ZNF804B: variants seen among roughly 807,000 people sequenced by gnomAD.
The protein encoded by ZNF804B is zinc finger 804B.
A neutral mutation model predicts 101.4 loss-of-function variants in ZNF804B; 80 were observed. The observed-to-expected ratio is 0.79, with a 90% CI of 0.66 to 0.95. ZNF804B has a LOEUF of 0.95. Among genes scored for constraint, ZNF804B ranks in the 40% least tolerant of loss-of-function variants. The pLI is 0.00. For missense variants in ZNF804B, 1,673 were observed against 1,561.9 expected, an observed-to-expected ratio of 1.07 and a Z score of -1.20; for synonymous variants, 622 against 558.8, an observed-to-expected ratio of 1.11 and a Z score of -1.59.
intron 1 of ZNF804B, among the ~76,000 whole-genome samples, chr7:88,782,429 C>A (rs1026292684): frequency 2.0e-5 from 3 of 151,944 alleles, no homozygotes; most frequent in East Asian, 1.9e-4. Flanking sequence ...TAATTGGTTT[C>A]TTTATTTCAA....
intron 1 of ZNF804B, among the ~76,000 whole-genome samples, chr7:88,873,704 C>T (rs1791877187): frequency 6.6e-6 from 1 of 152,152 alleles, no homozygotes. Context: ...CCAGTTCTCC[C>T]AGCACCATTT....
intron 1 of ZNF804B, among the ~76,000 whole-genome samples, chr7:88,768,605 C>CT (rs1353433444): frequency 6.6e-6 from 1 of 152,144 alleles, no homozygotes; most frequent in Non-Finnish European, 1.5e-5. Context: ...GTAATTCCAG[C>CT]TACTCAGGAG....
chr7:89,039,285 G>T (rs1261375638), intron 1 of ZNF804B, among the ~76,000 whole-genome samples: 1 of 151,588 alleles, frequency 6.6e-6, no homozygotes, highest in Admixed American at 6.6e-5. Context: ...TGTTTGTTTG[G>T]GTAGTATAAA....
At chr7:89,207,646 C>T (rs1788734949) in intron 1 of ZNF804B, among the ~76,000 whole-genome samples, 1 of 152,190 alleles carries the variant, frequency 6.6e-6, no homozygotes, top group Non-Finnish European at 1.5e-5. Context: ...CATTAAGACT[C>T]AGTCTTTGTG....
intron 1 of ZNF804B, among the ~76,000 whole-genome samples, chr7:89,035,919 A>T (rs1788918983): frequency 6.9e-6 from 1 of 144,962 alleles, no homozygotes; most frequent in Non-Finnish European, 1.5e-5. Context: ...TATATTATAT[A>T]TAATATATTA....
intron 1 of ZNF804B, among the ~76,000 whole-genome samples, chr7:88,831,701 CTGAT>C (rs1361894399): frequency 6.6e-6 from 1 of 151,844 alleles, no homozygotes; most frequent in Non-Finnish European, 1.5e-5. Flanking sequence ...TTCTAACTCT[CTGAT>C]TAACAGGAAT....
intron 1 of ZNF804B, among the ~76,000 whole-genome samples, chr7:88,816,624 A>G (rs1447977216): frequency 6.7e-6 from 1 of 148,406 alleles, no homozygotes; most frequent in East Asian, 2.1e-4. Context: ...CAACAGACAC[A>G]TGAAAAAATG....
chr7:89,008,308 C>T (rs138056395), intron 1 of ZNF804B, among the ~76,000 whole-genome samples: 1 of 152,182 alleles, frequency 6.6e-6, no homozygotes, highest in East Asian at 1.9e-4. Flanking sequence ...TGAAGTCCTA[C>T]TCTGAATCAT....
chr7:89,183,174 G>C (rs1412441302), intron 1 of ZNF804B, among the ~76,000 whole-genome samples: 4 of 152,016 alleles, frequency 2.6e-5, no homozygotes, highest in Non-Finnish European at 5.9e-5. Flanking sequence ...TTAGAACAAG[G>C]TGCAGTGGAG....
intron 1 of ZNF804B, among the ~76,000 whole-genome samples, chr7:89,020,804 G>T (rs565722211): frequency 1.3e-5 from 2 of 152,190 alleles, no homozygotes; most frequent in African/African-American, 4.8e-5. Flanking sequence ...TCAGCTGTAA[G>T]TGTTTTGGGT....
chr7:88,844,507 CAAG>C (rs1791340921), intron 1 of ZNF804B, among the ~76,000 whole-genome samples: 1 of 152,118 alleles, frequency 6.6e-6, no homozygotes, highest in African/African-American at 2.4e-5. Context: ...TATTGATAAA[CAAG>C]AAGTTAGATT....
At chr7:89,155,343 C>G (rs533602019) in intron 1 of ZNF804B, among the ~76,000 whole-genome samples, 2 of 152,158 alleles carry the variant, frequency 1.3e-5, no homozygotes, top group South Asian at 2.1e-4. Flanking sequence ...TTTCGAACAG[C>G]CTCTAATTTT....
At chr7:88,771,359 G>T (rs941229920) in intron 1 of ZNF804B, among the ~76,000 whole-genome samples, 5 of 151,904 alleles carry the variant, frequency 3.3e-5, no homozygotes, top group African/African-American at 7.2e-5. Context: ...TTGTATTAAA[G>T]AATAAAATAA....
At position 88,791,682 on chromosome 7, in the gene ZNF804B, T is replaced by C. The variant is rs958508018; in HGVS notation, c.108+31598T>C. On this transcript the variant is annotated intron_variant, in intron 1 of 3. Transcript: ENST00000333190. ...ACAGTGATTGGCCTACTAGTACATT[T>C]TTACCAGTAGCTATCCAATAAATTT... is the stretch of plus-strand genomic sequence containing the variant. 6.6e-5 allele frequency among the ~76,000 whole-genome samples: 10 copies of C among 152,208 alleles called. No individual in the cohort carries two copies. The East Asian group carries it at 1.9e-3, about 29-fold the overall frequency.
chr7:89,292,073 T>G (rs1455714822), intron 2 of ZNF804B, among the ~76,000 whole-genome samples: 1 of 151,696 alleles, frequency 6.6e-6, no homozygotes, highest in African/African-American at 2.4e-5. Flanking sequence ...GAAAGAGAAA[T>G]AAGGACTTTC....
At chr7:89,267,476 T>G (rs2115829024) in intron 2 of ZNF804B, among the ~76,000 whole-genome samples, 1 of 152,272 alleles carries the variant, frequency 6.6e-6, no homozygotes, top group East Asian at 1.9e-4. Flanking sequence ...ATGATAACAT[T>G]TTTTTCTTTC....
intron 1 of ZNF804B, among the ~76,000 whole-genome samples, chr7:88,771,429 G>A (rs1790059382): frequency 6.6e-6 from 1 of 151,984 alleles, no homozygotes; most frequent in African/African-American, 2.4e-5. Context: ...TGTGAACAGA[G>A]AACAGTATAG....
intron 1 of ZNF804B, among the ~76,000 whole-genome samples, chr7:89,203,913 T>C (rs1357068967): frequency 6.6e-6 from 1 of 152,220 alleles, no homozygotes; most frequent in Non-Finnish European, 1.5e-5. Flanking sequence ...CAGAGATTAA[T>C]ACCAGAACAA....
At chr7:88,772,420 C>A (rs1790083402) in intron 1 of ZNF804B, among the ~76,000 whole-genome samples, 1 of 152,146 alleles carries the variant, frequency 6.6e-6, no homozygotes, top group African/African-American at 2.4e-5. Context: ...AGTGACAGGG[C>A]AAACCGGTCT....
Sources: allele counts gnomAD v4.1 joint callset (sites outside exome capture counted in the v4.1 genomes callset), GRCh38; gene constraint gnomAD v4.1.1; transcripts MANE v1.5; gene names NCBI Gene and HGNC (gene_info 2026-07-23, HGNC 2026-07-21).